The following NFIC variants were observed in gnomAD, a reference collection of about 807,000 sequenced individuals.
NFIC encodes nuclear factor 1 C-type.
Under a neutral mutation model 54.4 loss-of-function variants are expected in NFIC, and 12 were observed. The ratio of observed to expected loss-of-function variants is 0.22; its 90% CI spans 0.14 to 0.36. NFIC has a LOEUF of 0.36. Among genes scored for constraint, NFIC ranks in the 10% least tolerant of loss-of-function variants. NFIC has a pLI of 1.00. For missense variants in NFIC, 575 were observed against 718.2 expected (o/e 0.80, Z 2.28); for synonymous variants, 322 against 319.2 (o/e 1.01, Z -0.09).
chr19:3,437,966 C>T (rs1461654268), intron 6 of NFIC, among the ~76,000 whole-genome samples: 2 of 151,914 alleles, frequency 1.3e-5, no homozygotes, highest in African/African-American at 4.8e-5. Context: ...AAAGTGCTGG[C>T]ATTACAGGTG....
chr19:3,391,380 G>A (rs955891756), intron 2 of NFIC, among the ~76,000 whole-genome samples: 1 of 152,200 alleles, frequency 6.6e-6, no homozygotes, highest in Non-Finnish European at 1.5e-5. Context: ...GCCGGCTGTG[G>A]TGGCTTACGC....
In NFIC at chr19:3,423,516, A is replaced by G. The variant is rs141931277; in HGVS notation, c.563-1590A>G. On this transcript the variant is annotated intron_variant, in intron 2 of 10. Transcript: ENST00000443272. Reference sequence around the variant, plus strand: ...CCTTCGTCTTTGACCTGGGTGATCCATGGGTGGGGCTGGGGAGGGGCGTCT... The same window carrying G: ...CCTTCGTCTTTGACCTGGGTGATCCGTGGGTGGGGCTGGGGAGGGGCGTCT... Among the ~76,000 whole-genome samples, 670 of 145,022 alleles carry G rather than the reference A, an allele frequency of 4.6e-3. 7 individuals are homozygous for G. Among genetic ancestry groups the G allele is most frequent in the South Asian group, 0.021 (86 of 4,074 alleles).
chr19:3,432,264 AG>A (rs1471662206), intron 3 of NFIC, among the ~76,000 whole-genome samples: 16 of 152,140 alleles, frequency 1.1e-4, no homozygotes, highest in African/African-American at 3.6e-4. Flanking sequence ...AATATTAGGT[AG>A]GAGCAATGCT....
chr19:3,430,756 A>T (rs937710498), intron 3 of NFIC, among the ~76,000 whole-genome samples: 2 of 150,228 alleles, frequency 1.3e-5, no homozygotes, highest in African/African-American at 4.9e-5. Context: ...AGATGGTGAA[A>T]CCCCGTCTCT....
At chr19:3,440,876 G>A (rs575348891) in intron 6 of NFIC, among the ~76,000 whole-genome samples, 1 of 152,324 alleles carries the variant, frequency 6.6e-6, no homozygotes, top group South Asian at 2.1e-4. Context: ...CTGTCGCCCA[G>A]GATGGAGTGC....
chr19:3,381,254 G>A (rs1019940106), intron 1 of NFIC, among the ~76,000 whole-genome samples: 3 of 152,004 alleles, frequency 2.0e-5, no homozygotes, highest in Admixed American at 2.0e-4. Flanking sequence ...AATTAGCTGG[G>A]CGTGGTGGTG....
chr19:3,397,902 G>A (rs2081490642), intron 2 of NFIC, among the ~76,000 whole-genome samples: 1 of 152,176 alleles, frequency 6.6e-6, no homozygotes, highest in Non-Finnish European at 1.5e-5. Flanking sequence ...CTCGTGGCTT[G>A]GGGGAGGCCT....
At chr19:3,388,565 G>A (rs1252693820) in intron 2 of NFIC, among the ~76,000 whole-genome samples, 1 of 152,162 alleles carries the variant, frequency 6.6e-6, no homozygotes, top group Non-Finnish European at 1.5e-5. Context: ...GCTCCTGCCT[G>A]TAATCCCAAC....
At chr19:3,379,217 G>A (rs374715151) in intron 1 of NFIC, among the ~76,000 whole-genome samples, 2 of 151,894 alleles carry the variant, frequency 1.3e-5, no homozygotes, top group Non-Finnish European at 1.5e-5. Flanking sequence ...GCGCCACCAC[G>A]CCTGGCTAAT....
At chr19:3,362,258 G>A (rs1430644609), upstream of NFIC, among the ~76,000 whole-genome samples, 1 of 152,068 alleles carries the variant, frequency 6.6e-6, no homozygotes, top group Admixed American at 6.5e-5. Context: ...TTTGTGTGGA[G>A]TGTGTCTGTG....
At chr19:3,360,747 G>A (rs1014556998) in intron 1 of NFIC, among the ~76,000 whole-genome samples, 4 of 152,246 alleles carry the variant, frequency 2.6e-5, no homozygotes, top group Admixed American at 2.0e-4. Flanking sequence ...GCGTCCCTGC[G>A]GGACGGTGTT....
intron 2 of NFIC, among the ~76,000 whole-genome samples, chr19:3,418,027 A>G (rs962443984): frequency 6.6e-6 from 1 of 151,730 alleles, no homozygotes; most frequent in Non-Finnish European, 1.5e-5. Flanking sequence ...GGTCACCACC[A>G]GCCACGTGTG....
chr19:3,427,592 G>A lies in NFIC; in HGVS notation c.634+2415G>A, dbSNP rs540729280. ...GCCTGTAATCCCAGCACTTTGGGAGGCCAAGGCAGGTGGATCACCTGAGGT... is the reference window on the plus strand; with the variant it reads ...GCCTGTAATCCCAGCACTTTGGGAGACCAAGGCAGGTGGATCACCTGAGGT... On this transcript the variant is annotated intron_variant, in intron 3 of 10. Coordinates refer to ENST00000443272, the MANE Select transcript of NFIC (RefSeq NM_001245002.2). 4.9e-4 allele frequency among the ~76,000 whole-genome samples: 74 copies of A among 150,554 alleles called. No homozygotes were observed. The East Asian group carries it at 0.014, about 28-fold the overall frequency.
intron 3 of NFIC, among the ~76,000 whole-genome samples, chr19:3,432,626 GC>G (rs1477747345): frequency 6.6e-6 from 1 of 151,938 alleles, no homozygotes; most frequent in Non-Finnish European, 1.5e-5. Flanking sequence ...ACACACCGAG[GC>G]AGGTGATGGA....
At chr19:3,408,645 G>T (rs575624736) in intron 2 of NFIC, among the ~76,000 whole-genome samples, 2 of 151,896 alleles carry the variant, frequency 1.3e-5, no homozygotes, top group African/African-American at 4.8e-5. Flanking sequence ...TTTTTGAGAC[G>T]GAGTCTCACT....
chr19:3,433,646 G>A, intron 4 of NFIC, 54 bp downstream of exon 4: 2 of 1,581,724 alleles, frequency 1.3e-6, no homozygotes, highest in Non-Finnish European at 1.7e-6. Flanking sequence ...GGGGGCCGCA[G>A]GGAGGAAGGA....
chr19:3,433,377 C>CT, intron 3 of NFIC, 141 bp from the exon 4 acceptor site: 2 of 793,340 alleles, frequency 2.5e-6, no homozygotes, highest in Non-Finnish European at 4.1e-6. Context: ...CAGACTGGAG[C>CT]TGTCATTCCC....
chr19:3,460,637 C>T (rs557450244), intron 10 of NFIC, among the ~76,000 whole-genome samples: 208 of 152,224 alleles, frequency 1.4e-3, no homozygotes, highest in Non-Finnish European at 2.3e-3. Flanking sequence ...CCTCAGCCTC[C>T]CGAGTAGCTG....
At position 3,433,519 on chromosome 19, in the gene NFIC, C is replaced by T; in HGVS notation, c.636C>T (p.Asp212=). Residue 212 remains aspartate (D), a splice_region_variant and synonymous_variant, in exon 4 of 11, where the codon GAC becomes GAT. Coordinates refer to ENST00000443272, the MANE Select transcript of NFIC (RefSeq NM_001245002.2). ...DQEDSKPITL[D]TTDFQESFVT... ...GACCCCGCTGTCTTCCTGTTCCAGA[C>T]ACGACCGACTTCCAGGAGAGCTTTG... The T allele has an allele frequency of 6.2e-7, 1 of 1,613,820 alleles. No homozygotes were observed. The highest frequency in any genetic ancestry group is 1.1e-5 in the South Asian group (1 of 91,084).
Sources: gnomAD v4.1 joint callset for allele counts (sites outside exome capture counted in the v4.1 genomes callset) on GRCh38, gnomAD v4.1.1 for gene constraint, MANE v1.5 for transcripts, NCBI Gene and HGNC (gene_info 2026-07-23, HGNC 2026-07-21) for gene names.